The following TGM6 variants were observed in gnomAD, a reference collection of about 807,000 sequenced individuals.
TGM6 encodes transglutaminase 6, also known as protein-glutamine gamma-glutamyltransferase 6.
In TGM6, 74 loss-of-function variants were observed where a neutral mutation model predicts 77.5. That is an observed-to-expected ratio of 0.96 (90% CI 0.79 to 1.16). The LOEUF (loss-of-function observed/expected upper bound fraction) is 1.16, where lower values mean the gene tolerates loss of function less well. Ranked by LOEUF, TGM6 falls within the 50% of genes most tolerant of loss-of-function variation. TGM6 has a pLI of 0.00. For synonymous variants in TGM6, 383 were observed against 378.9 expected (o/e 1.01, Z -0.12); for missense variants, 968 against 940.2 (o/e 1.03, Z -0.39).
At position 2,432,549 on chromosome 20, in the gene TGM6, A is replaced by T; in HGVS notation, c.2027A>T (p.Lys676Ile). The stretch of plus-strand genomic sequence containing the variant: ...GTCCAGTTTGACATCACCCCCTCCA[A>T]AAGTGGCCCAAGGCAGCTGCAGGTG... ...ASVQFDITPS[K>I]SGPRQLQVDL... Residue 676 changes from lysine (K) to isoleucine (I), a missense_variant, in exon 13 of 13, where the codon AAA becomes ATA. By Grantham distance (102) the Lys-to-Ile change is moderately radical. Coordinates refer to ENST00000202625, the MANE Select transcript of TGM6 (RefSeq NM_198994.3). The T allele has an allele frequency of 1.2e-6, 2 of 1,614,076 alleles. No individual in the cohort carries two copies. The highest frequency in any genetic ancestry group is 1.7e-4 in the Middle Eastern group (1 of 6,060).
Position 2,400,477 on chromosome 20 carries a change from T to C in TGM6, c.989+33T>C, listed in dbSNP as rs1460585182. On this transcript the variant is annotated intron_variant, in intron 7 of 12. Coordinates refer to ENST00000202625, the MANE Select transcript of TGM6 (RefSeq NM_198994.3). ...CTGCCCCCAGCCTAGGCCCGAGGGC[T>C]CTGGAAGCCCAGCAGGTGGAGCAAG... is the stretch of plus-strand genomic sequence containing the variant. 3.1e-6 allele frequency: 5 copies of C among 1,613,596 alleles called. No individual in the cohort carries two copies. In the East Asian group the frequency reaches 8.9e-5, roughly 29 times the overall value.
At chr20:2,392,936 C>G (rs1052630479) in intron 1 of TGM6, among the ~76,000 whole-genome samples, 2 of 152,086 alleles carry the variant, frequency 1.3e-5, no homozygotes, top group Non-Finnish European at 2.9e-5. Flanking sequence ...AGTAGATGGC[C>G]AGGTTAGAAT....
At chr20:2,432,085 G>C (rs2084927132) in intron 12 of TGM6, among the ~76,000 whole-genome samples, 1 of 152,156 alleles carries the variant, frequency 6.6e-6, no homozygotes, top group South Asian at 2.1e-4. Context: ...GTCTCACTCT[G>C]TTGCCCCAGC....
At position 2,396,052 on chromosome 20, in the gene TGM6, C is replaced by T. The variant is rs537968724; in HGVS notation, c.425-454C>T. ...AAAATTAGCCAGCTGTGGTGGCACA[C>T]GCCTGTAATCCCAGCTACTCGGGAG... On this transcript the variant is annotated intron_variant, in intron 3 of 12. Transcript: ENST00000202625. Among the ~76,000 whole-genome samples, 94 of 152,018 alleles carry T rather than the reference C, an allele frequency of 6.2e-4. 2 individuals carry two copies. The highest frequency in any genetic ancestry group is 1.2e-3 in the Admixed American group (18 of 15,268).
intron 10 of TGM6, among the ~76,000 whole-genome samples, chr20:2,421,193 GC>G (rs1568669215): frequency 6.6e-6 from 1 of 152,142 alleles, no homozygotes; most frequent in African/African-American, 2.4e-5. Context: ...CACCATGTTG[GC>G]CAGGATGGTC....
chr20:2,432,263 G>A (rs2122446847), intron 12 of TGM6, among the ~76,000 whole-genome samples: 1 of 152,200 alleles, frequency 6.6e-6, no homozygotes, highest in Middle Eastern at 3.4e-3. Flanking sequence ...GGCCAGGCTG[G>A]TCTCGAACTC....
intron 1 of TGM6, among the ~76,000 whole-genome samples, chr20:2,389,156 T>TTG (rs2084614974): frequency 6.6e-6 from 1 of 152,156 alleles, no homozygotes; most frequent in Non-Finnish European, 1.5e-5. Flanking sequence ...CACCATGGTC[T>TTG]CTCAGGTCAC....
intron 1 of TGM6, among the ~76,000 whole-genome samples, chr20:2,387,728 A>G (rs949109688): frequency 1.3e-4 from 20 of 152,326 alleles, no homozygotes; most frequent in African/African-American, 4.8e-4. Context: ...CTGCCCCAGC[A>G]CTTAGGGGCT....
At chr20:2,417,632 G>T (rs2084827957) in intron 10 of TGM6, 59 bp downstream of exon 10, 5 of 1,520,746 alleles carry the variant, frequency 3.3e-6, no homozygotes, top group Non-Finnish European at 4.4e-6. Flanking sequence ...CAGGAGGGTT[G>T]TGGAGGTCAG....
intron 2 of TGM6, 39 bp from the exon 3 acceptor site, chr20:2,395,155 C>T (rs1352315288): frequency 6.2e-7 from 1 of 1,605,990 alleles, no homozygotes; most frequent in Non-Finnish European, 8.5e-7. Flanking sequence ...CTGGGTTTCC[C>T]AGGGGAAGGG....
At chr20:2,419,403 G>C (rs976567067) in intron 10 of TGM6, among the ~76,000 whole-genome samples, 1 of 151,948 alleles carries the variant, frequency 6.6e-6, no homozygotes, top group Non-Finnish European at 1.5e-5. Flanking sequence ...AGCTTTTTTT[G>C]TCATTTATTT....
At chr20:2,408,216 T>C (rs966888064) in intron 9 of TGM6, among the ~76,000 whole-genome samples, 10 of 152,182 alleles carry the variant, frequency 6.6e-5, no homozygotes. Flanking sequence ...TGTGCCTCTC[T>C]GAGTCATGAG....
At chr20:2,394,323 A>G in intron 1 of TGM6, 129 bp from the exon 2 acceptor site, 1 of 1,088,766 alleles carries the variant, frequency 9.2e-7, no homozygotes, top group Non-Finnish European at 1.4e-6. Context: ...ACAAACAGAG[A>G]ATCGCCGGTA....
intron 4 of TGM6, 104 bp downstream of exon 4, chr20:2,396,728 G>A (rs1473466587): frequency 1.5e-5 from 16 of 1,063,236 alleles, no homozygotes; most frequent in Admixed American, 9.6e-5. Flanking sequence ...GGGACAAGGG[G>A]GGCTCACTCC....
rs559653983 is a variant in TGM6, at chr20:2,407,108, G to A, written c.1336+3285G>A. 2.0e-5 allele frequency among the ~76,000 whole-genome samples: 3 copies of A among 152,312 alleles called. No individual in the cohort carries two copies. The South Asian group carries it at 6.2e-4, about 32-fold the overall frequency. On this transcript the variant is annotated intron_variant, in intron 9 of 12. Transcript: ENST00000202625. ...CCCAGCCAGAGAACATAGCTAGTAA[G>A]GGAGAACTCTCCTGCAGAACCCAGA...
intron 9 of TGM6, among the ~76,000 whole-genome samples, chr20:2,415,548 C>T (rs924156989): frequency 6.6e-6 from 1 of 152,166 alleles, no homozygotes; most frequent in Non-Finnish European, 1.5e-5. Context: ...AAAGTTCACA[C>T]ACTGACCTCA....
At chr20:2,393,463 A>C (rs374279567) in intron 1 of TGM6, among the ~76,000 whole-genome samples, 14 of 152,380 alleles carry the variant, frequency 9.2e-5, no homozygotes, top group South Asian at 8.3e-4. Flanking sequence ...TGTTAGGTGA[A>C]CATTCAGGCA....
intron 9 of TGM6, among the ~76,000 whole-genome samples, chr20:2,413,002 T>C (rs1171319489): frequency 6.6e-6 from 1 of 152,012 alleles, no homozygotes; most frequent in Non-Finnish European, 1.5e-5. Flanking sequence ...ACAGCTGAGT[T>C]TTTTTCCCCC....
At chr20:2,411,691 G>A (rs1488236147) in intron 9 of TGM6, among the ~76,000 whole-genome samples, 2 of 152,104 alleles carry the variant, frequency 1.3e-5, no homozygotes, top group African/African-American at 4.8e-5. Context: ...TTTTAAAATT[G>A]TATTGGGAAA....
Sources: gnomAD v4.1 joint callset for allele counts (sites outside exome capture counted in the v4.1 genomes callset) on GRCh38, gnomAD v4.1.1 for gene constraint, MANE v1.5 for transcripts, NCBI Gene and HGNC (gene_info 2026-07-23, HGNC 2026-07-21) for gene names.